The following RIC8B variants were observed in gnomAD, a reference collection of about 807,000 sequenced individuals.
The protein encoded by RIC8B is RIC8 guanine nucleotide exchange factor B.
Under a neutral mutation model 57.5 loss-of-function variants are expected in RIC8B, and 16 were observed. The observed-to-expected ratio is 0.28, with a 90% confidence interval of 0.19 to 0.42. The LOEUF (loss-of-function observed/expected upper bound fraction) is 0.42, where lower values mean the gene tolerates loss of function less well. RIC8B is among the 10% of genes least tolerant of loss of function. The pLI, the probability that RIC8B is intolerant of heterozygous loss-of-function variation, is 1.00. For missense variants in RIC8B, 481 were observed against 677.0 expected, an observed-to-expected ratio of 0.71 and a Z score of 3.21; for synonymous variants, 216 against 250.8, an observed-to-expected ratio of 0.86 and a Z score of 1.31.
intron 6 of RIC8B, among the ~76,000 whole-genome samples, chr12:106,847,715 T>C (rs1298197480): frequency 6.6e-6 from 1 of 152,148 alleles, no homozygotes; most frequent in Non-Finnish European, 1.5e-5. Context: ...TCAAGTAAAA[T>C]TATATATACA....
chr12:106,802,340 T>C (rs2044768641), intron 2 of RIC8B, among the ~76,000 whole-genome samples: 1 of 152,276 alleles, frequency 6.6e-6, no homozygotes, highest in East Asian at 1.9e-4. Context: ...ATTTTAAGAT[T>C]AGGGTCTATC....
intron 7 of RIC8B, among the ~76,000 whole-genome samples, chr12:106,856,531 A>G (rs1317486154): frequency 6.6e-6 from 1 of 152,174 alleles, no homozygotes; most frequent in Non-Finnish European, 1.5e-5. Context: ...CTTTGTTACC[A>G]TGGCGAGCTT....
At position 106,814,039 on chromosome 12, in the gene RIC8B, G is replaced by GC. The variant is rs1432994627; in HGVS notation, c.133-654dup. Among the ~76,000 whole-genome samples, 4 of 152,308 alleles carry GC rather than the reference G, an allele frequency of 2.6e-5. No individual in the cohort carries two copies. In the East Asian group the frequency reaches 7.7e-4, roughly 29 times the overall value. On this transcript the variant is annotated intron_variant, in intron 2 of 9. Transcript: ENST00000392837. The stretch of plus-strand genomic sequence containing the variant: ...TACTACATATATTTGTACAGTCTGT[G>GC]CCCTACAGCAAGATAACAAAAGAAA...
At chr12:106,798,196 T>C (rs1210981617) in intron 2 of RIC8B, 2 of 509,744 alleles carry the variant, frequency 3.9e-6, no homozygotes, top group Non-Finnish European at 7.1e-6. Context: ...ATGTAAGGTT[T>C]CCTTTTCTCG....
chr12:106,774,770 A>G lies in RIC8B; in HGVS notation c.25A>G (p.Ile9Val), dbSNP rs1379369211. The change falls in exon 1 of 10, where the codon ATC becomes GTC. Residue 9 changes from isoleucine to valine, a missense_variant. By Grantham distance (29) the Ile-to-Val change is conservative (BLOSUM62 3). Transcript: ENST00000392837. ...CATGGATGAGGAGCGCGCCCTCTAC[A>G]TCGTCCGGGCCGGCGAAGCAGGGGC... MDEERALYIVRAGEAGAIE... is the reference protein window; with the variant it reads MDEERALYVVRAGEAGAIE... The G allele has an allele frequency of 1.3e-6, 2 of 1,552,224 alleles. No homozygotes were observed. Among genetic ancestry groups the G allele is most frequent in the Non-Finnish European group, 1.7e-6 (2 of 1,147,238 alleles).
chr12:106,779,612 T>G (rs1050138506), intron 1 of RIC8B, among the ~76,000 whole-genome samples: 1 of 151,748 alleles, frequency 6.6e-6, no homozygotes, highest in Non-Finnish European at 1.5e-5. Flanking sequence ...TACTGTATTA[T>G]TTAGGGAATA....
chr12:106,775,875 C>T (rs1237190795), intron 1 of RIC8B, among the ~76,000 whole-genome samples: 2 of 152,160 alleles, frequency 1.3e-5, no homozygotes, highest in African/African-American at 4.8e-5. Context: ...CTTTCTTTTG[C>T]CCCCGTACAT....
At chr12:106,798,612 ACTT>A (rs2044593213) in intron 2 of RIC8B, among the ~76,000 whole-genome samples, 1 of 151,808 alleles carries the variant, frequency 6.6e-6, no homozygotes, top group Non-Finnish European at 1.5e-5. Context: ...CAGCCACTGT[ACTT>A]TTTTTTTTTT....
At chr12:106,873,598 T>G (rs757842178) in intron 9 of RIC8B, among the ~76,000 whole-genome samples, 1 of 152,218 alleles carries the variant, frequency 6.6e-6, no homozygotes, top group Non-Finnish European at 1.5e-5. Flanking sequence ...AAGCAGCTAC[T>G]CTGTGCAAGG....
intron 2 of RIC8B, among the ~76,000 whole-genome samples, chr12:106,788,511 A>G (rs1439462049): frequency 2.6e-5 from 4 of 152,184 alleles, no homozygotes; most frequent in Non-Finnish European, 4.4e-5. Context: ...CCCCTGCAGC[A>G]AACTTTTGCC....
intron 2 of RIC8B, among the ~76,000 whole-genome samples, chr12:106,793,039 T>G (rs898930260): frequency 6.6e-6 from 1 of 152,046 alleles, no homozygotes; most frequent in Non-Finnish European, 1.5e-5. Context: ...TCTGGATAAG[T>G]GTAGCTGAGA....
chr12:106,840,113 A>G (rs1330478239), intron 4 of RIC8B, among the ~76,000 whole-genome samples: 1 of 152,218 alleles, frequency 6.6e-6, no homozygotes, highest in Non-Finnish European at 1.5e-5. Context: ...AAAGATATGT[A>G]AGCCCCAAAT....
rs375323962 is a variant in RIC8B at position 106,879,244 on chromosome 12, T to C, written c.1572-6660T>C. On this transcript the variant is annotated intron_variant, in intron 9 of 9. Coordinates refer to ENST00000392837, the MANE Select transcript of RIC8B (RefSeq NM_001330145.2). This position sits in a 1 kb window ranked among gnomAD's most constrained non-coding sequence, Gnocchi z 4.9. ...ACTTGAATTGAATGTTTTGTTTGTA[T>C]TGCACAAAAACATGTGCTGTGGGCA... 1.0e-6 allele frequency: 1 copy of C among 985,770 alleles called. No homozygotes were observed. 61.1% of individuals were successfully genotyped at this position (985,770 alleles called of 1,614,324 possible). A position where few individuals can be genotyped will look rare whatever the true frequency, so the allele number is the denominator to read the frequency against.
At chr12:106,881,302 A>G (rs998430601) in intron 9 of RIC8B, among the ~76,000 whole-genome samples, 2 of 151,280 alleles carry the variant, frequency 1.3e-5, no homozygotes, top group Non-Finnish European at 2.9e-5. Context: ...CAAGGTCTCC[A>G]TTCAAATCCT....
At chr12:106,839,628 A>G (rs1393527219) in intron 4 of RIC8B, among the ~76,000 whole-genome samples, 1 of 152,222 alleles carries the variant, frequency 6.6e-6, no homozygotes, top group Non-Finnish European at 1.5e-5. Context: ...CAGAGCCTAT[A>G]GTTAGCAATA....
intron 7 of RIC8B, among the ~76,000 whole-genome samples, chr12:106,854,619 C>T (rs1286285856): frequency 1.3e-5 from 2 of 151,986 alleles, no homozygotes; most frequent in Admixed American, 6.6e-5. Context: ...GGTGAAACCC[C>T]GTCTCTACTA....
rs115675726 is a variant in RIC8B, at chr12:106,807,119, C to T, written c.133-7577C>T. Among the ~76,000 whole-genome samples the T allele has an allele frequency of 4.6e-3, 698 of 152,338 alleles. 4 individuals carry two copies. Among genetic ancestry groups the T allele is most frequent in the African/African-American group, 0.016 (673 of 41,574 alleles). On this transcript the variant is annotated intron_variant, in intron 2 of 9. Transcript: ENST00000392837. ...ATACACACCAAATCCATTCGCTTGT[C>T]TCCCTCTCCGCTGCTACCACTCTAG...
At chr12:106,789,611 A>C (rs1364782040) in intron 2 of RIC8B, among the ~76,000 whole-genome samples, 1 of 152,142 alleles carries the variant, frequency 6.6e-6, no homozygotes, top group Non-Finnish European at 1.5e-5. Flanking sequence ...TCATGAGACT[A>C]ATTCATTACC....
chr12:106,813,315 C>T (rs945618920), intron 2 of RIC8B, among the ~76,000 whole-genome samples: 1 of 151,516 alleles, frequency 6.6e-6, no homozygotes, highest in Non-Finnish European at 1.5e-5. Context: ...CTCAGCCTCC[C>T]GAGTAGCTGA....
Sources: allele counts gnomAD v4.1 joint callset (sites outside exome capture counted in the v4.1 genomes callset), GRCh38; gene constraint gnomAD v4.1.1; non-coding constraint Gnocchi (gnomAD v3.1); transcripts MANE v1.5; gene names NCBI Gene and HGNC (gene_info 2026-07-23, HGNC 2026-07-21).